Variants in MAPK8IP3 observed in about 807,000 individuals in gnomAD.
The protein encoded by MAPK8IP3 is mitogen-activated protein kinase 8 interacting protein 3.
In MAPK8IP3, 49 loss-of-function variants were observed where a neutral mutation model predicts 157.8. That is an observed-to-expected ratio of 0.31 (90% CI 0.25 to 0.39). MAPK8IP3 has a LOEUF of 0.39. MAPK8IP3 is among the 10% of genes least tolerant of loss of function. The pLI is 1.00. For synonymous variants in MAPK8IP3, 897 were observed against 777.7 expected, an observed-to-expected ratio of 1.15 and a Z score of -2.55; for missense variants, 1,478 against 1,889.4, an observed-to-expected ratio of 0.78 and a Z score of 4.04.
Position 1,743,437 on chromosome 16 carries a change from G to A in MAPK8IP3, c.708G>A (p.Leu236=), listed in dbSNP as rs2040794306. 1 of 1,609,952 alleles carries A rather than the reference G, an allele frequency of 6.2e-7. No individual in the cohort carries two copies. The highest frequency in any genetic ancestry group is 2.2e-5 in the East Asian group (1 of 44,554). The change falls in exon 5 of 32, where the codon CTG becomes CTA. Residue 236 remains leucine (L), a synonymous_variant. Coordinates refer to ENST00000610761, the MANE Select transcript of MAPK8IP3 (RefSeq NM_001318852.2). This position sits in a 1 kb window ranked among gnomAD's most constrained non-coding sequence, Gnocchi z 5.6. ...KLVPAGDHWH[L]SDLGQLQSSS... ...TGCCTGCGGGGGACCACTGGCACCT[G>A]AGTGACCTCGGCCAGCTGCAGTCCA...
Position 1,766,383 on chromosome 16 carries a change from C to G in MAPK8IP3, c.2793C>G (p.Thr931=), listed in dbSNP as rs1567210622. ...TEHVFTDPAP[T]PSSGPQPGSE... The stretch of plus-strand genomic sequence containing the variant: ...ACGTCTTCACTGACCCAGCCCCGAC[C>G]CCGTCCTCTGGCCCCCAGCCTGGCA... The change falls in exon 22 of 32, where the codon ACC becomes ACG. Residue 931 remains threonine, a synonymous_variant. Coordinates refer to ENST00000610761, the MANE Select transcript of MAPK8IP3 (RefSeq NM_001318852.2). 1 of 1,611,698 alleles carries G rather than the reference C, an allele frequency of 6.2e-7. No individual in the cohort carries two copies. The highest frequency in any genetic ancestry group is 8.5e-7 in the Non-Finnish European group (1 of 1,179,310).
At chr16:1,761,117 C>T (rs1325658397) in intron 12 of MAPK8IP3, 107 bp from the exon 13 acceptor site, 18 of 872,396 alleles carry the variant, frequency 2.1e-5, no homozygotes, top group South Asian at 1.7e-4. Flanking sequence ...GAGCCCCCAG[C>T]CCTGCACAGA....
Position 1,751,680 on chromosome 16 carries a change from C to CA in MAPK8IP3, c.1216+2964dup, listed in dbSNP as rs113751367. On this transcript the variant is annotated intron_variant, in intron 8 of 31. Transcript: ENST00000610761. This position sits in a 1 kb window ranked among gnomAD's most constrained non-coding sequence, Gnocchi z 5.0. Reference sequence around the variant, plus strand: ...TTGACAGTCACATCGTCTTCACCCCCAAAAGGAAACCCCGTGCCCATGAGC... The same window carrying CA: ...TTGACAGTCACATCGTCTTCACCCCCAAAAAGGAAACCCCGTGCCCATGAGC... The CA allele has an allele frequency of 4.4e-4, 67 of 152,408 alleles. No homozygotes were observed. The highest frequency in any genetic ancestry group is 1.3e-3 in the African/African-American group (56 of 41,574). The allele number at this position is 152,408 out of a possible 1,614,324, so 9.4% of individuals were successfully genotyped here.
chr16:1,767,054 C>A, intron 25 of MAPK8IP3, 83 bp downstream of exon 25: 2 of 1,576,360 alleles, frequency 1.3e-6, no homozygotes, highest in Admixed American at 1.7e-5. Flanking sequence ...GGGTTCCAGG[C>A]CTCTCCTTAG....
At chr16:1,726,970 G>A (rs899703471) in intron 2 of MAPK8IP3, among the ~76,000 whole-genome samples, 5 of 152,178 alleles carry the variant, frequency 3.3e-5, no homozygotes, top group African/African-American at 1.2e-4. Flanking sequence ...GCTGTGTGCA[G>A]TGTCTGTGTG....
In MAPK8IP3 at chr16:1,710,365, C is replaced by T. The variant is rs923411533; in HGVS notation, c.318+3708C>T. On this transcript the variant is annotated intron_variant, in intron 1 of 31. Coordinates refer to ENST00000610761, the MANE Select transcript of MAPK8IP3 (RefSeq NM_001318852.2). The surrounding 1 kb of genome is among the most constrained non-coding windows in gnomAD (Gnocchi z 4.1). The stretch of plus-strand genomic sequence containing the variant: ...GGCAGGCCCCTGTAGTCCCAGCACT[C>T]GGGAGGCTGAGGCAGGAGAATCACT... Among the ~76,000 whole-genome samples the T allele has an allele frequency of 1.3e-5, 2 of 151,476 alleles. No homozygotes were observed. The highest frequency in any genetic ancestry group is 6.6e-5 in the Admixed American group (1 of 15,230).
intron 26 of MAPK8IP3, 77 bp from the exon 27 acceptor site, chr16:1,767,487 G>C (rs935599355): frequency 3.1e-5 from 48 of 1,552,012 alleles, no homozygotes; most frequent in Non-Finnish European, 4.2e-5. Context: ...AGGTGGCCCT[G>C]GAGCTGTGGC....
Position 1,743,482 on chromosome 16 carries a change from G to A in MAPK8IP3, c.747+6G>A, listed in dbSNP as rs752705064. On this transcript the variant is annotated splice_donor_region_variant and intron_variant, in intron 5 of 31. Transcript: ENST00000610761. This position sits in a 1 kb window ranked among gnomAD's most constrained non-coding sequence, Gnocchi z 5.6. ...AGTCCAGCTCCAGCTACCAGGTTTT[G>A]TAGCCGTGCCGTGGAGTGAGAGGCT... 3.1e-6 allele frequency: 5 copies of A among 1,608,306 alleles called. No individual in the cohort carries two copies. The highest frequency in any genetic ancestry group is 1.7e-5 in the Admixed American group (1 of 59,726).
chr16:1,744,615 G>A (rs561052893), intron 5 of MAPK8IP3: 104 of 985,522 alleles, frequency 1.1e-4, no homozygotes, highest in Middle Eastern at 5.2e-4. Flanking sequence ...CACGCTTCCC[G>A]GGCCTGGAGC....
rs761104546 is a variant in MAPK8IP3 at position 1,769,104 on chromosome 16, G to C, written c.*280G>C. On this transcript the variant is annotated 3_prime_UTR_variant, in exon 32 of 32. Coordinates refer to ENST00000610761, the MANE Select transcript of MAPK8IP3 (RefSeq NM_001318852.2). ...TCCAGCCCAGAGTCCTCAAGTCCAG[G>C]GCACCTTGGGCCCAGCGCAGGCAGA... 8.3e-6 allele frequency: 4 copies of C among 484,262 alleles called. No homozygotes were observed. In the South Asian group the frequency reaches 8.7e-5, roughly 11 times the overall value. 30.0% of individuals were successfully genotyped at this position (484,262 alleles called of 1,614,324 possible).
intron 4 of MAPK8IP3, among the ~76,000 whole-genome samples, chr16:1,736,094 C>G (rs1270509021): frequency 9.2e-6 from 1 of 109,054 alleles, no homozygotes. Flanking sequence ...GTGTGACCGT[C>G]CATGTGAGCA....
At chr16:1,762,811 C>G in intron 15 of MAPK8IP3, 25 bp from the exon 16 acceptor site, 1 of 1,609,264 alleles carries the variant, frequency 6.2e-7, no homozygotes, top group Non-Finnish European at 8.5e-7. Context: ...TCTGCCCACC[C>G]CTCACCTCCC....
intron 8 of MAPK8IP3, among the ~76,000 whole-genome samples, chr16:1,756,060 G>A (rs765026849): frequency 8.5e-5 from 13 of 152,172 alleles, no homozygotes; most frequent in East Asian, 1.9e-4. Flanking sequence ...CAGCCCCACC[G>A]AGCACTGGCG....
In MAPK8IP3 at chr16:1,717,931, A is replaced by G. The variant is rs574526825; in HGVS notation, c.319-6626A>G. Among the ~76,000 whole-genome samples, 195 of 151,934 alleles carry G rather than the reference A, an allele frequency of 1.3e-3. 1 individual carries two copies. The highest frequency in any genetic ancestry group is 4.4e-3 in the African/African-American group (184 of 41,414). On this transcript the variant is annotated intron_variant, in intron 1 of 31. Coordinates refer to ENST00000610761, the MANE Select transcript of MAPK8IP3 (RefSeq NM_001318852.2). Reference sequence around the variant, plus strand: ...CAGTGGCACGATCTCAGCTCACTGCAAGCTCCGCCTCCCAGGTTCCTGCCA... The same window carrying G: ...CAGTGGCACGATCTCAGCTCACTGCGAGCTCCGCCTCCCAGGTTCCTGCCA...
rs545106877 is a variant in MAPK8IP3 at position 1,769,113 on chromosome 16, G to C, written c.*289G>C. On this transcript the variant is annotated 3_prime_UTR_variant, in exon 32 of 32. Transcript: ENST00000610761. ...GAGTCCTCAAGTCCAGGGCACCTTG[G>C]GCCCAGCGCAGGCAGAATCCGAGGT... 18 of 464,300 alleles carry C rather than the reference G, an allele frequency of 3.9e-5. No individual in the cohort carries two copies. Among genetic ancestry groups the C allele is most frequent in the African/African-American group, 3.6e-4 (18 of 50,582 alleles). 28.8% of individuals were successfully genotyped at this position (464,300 alleles called of 1,614,324 possible). A position where few individuals can be genotyped will look rare whatever the true frequency, so the allele number is the denominator to read the frequency against.
intron 7 of MAPK8IP3, 23 bp from the exon 8 acceptor site, chr16:1,748,579 T>C (rs1385213400): frequency 6.9e-6 from 11 of 1,592,008 alleles, no homozygotes; most frequent in Middle Eastern, 1.7e-4. Flanking sequence ...CTGCTCTCTC[T>C]CCCGACCTGT....
intron 23 of MAPK8IP3, 23 bp from the exon 24 acceptor site, chr16:1,766,700 C>A: frequency 6.2e-7 from 1 of 1,612,650 alleles, no homozygotes; most frequent in Non-Finnish European, 8.5e-7. Flanking sequence ...GAGCCCCTCG[C>A]CCATCGCCGC....
At chr16:1,755,069 T>C (rs2041517285) in intron 8 of MAPK8IP3, among the ~76,000 whole-genome samples, 1 of 151,996 alleles carries the variant, frequency 6.6e-6, no homozygotes, top group Non-Finnish European at 1.5e-5. Context: ...TCCCAGAAAA[T>C]GTGGGGAGAG....
intron 1 of MAPK8IP3, among the ~76,000 whole-genome samples, chr16:1,716,310 CTTT>C (rs1195691751): frequency 3.9e-5 from 5 of 129,530 alleles, no homozygotes; most frequent in Admixed American, 7.7e-5. Flanking sequence ...CAGGTCATTT[CTTT>C]TTTTTTTTTT....
Sources: allele counts gnomAD v4.1 joint callset (sites outside exome capture counted in the v4.1 genomes callset), GRCh38; gene constraint gnomAD v4.1.1; non-coding constraint Gnocchi (gnomAD v3.1); transcripts MANE v1.5; gene names NCBI Gene and HGNC (gene_info 2026-07-23, HGNC 2026-07-21).